RAPGEF6: variants seen among roughly 807,000 people sequenced by gnomAD.
The protein encoded by RAPGEF6 is Rap guanine nucleotide exchange factor 6, also known as PDZ domain containing guanine nucleotide exchange factor (GEF) 2.
In RAPGEF6, 56 loss-of-function variants were observed where a neutral mutation model predicts 171.4. That is an observed-to-expected ratio of 0.33 (90% confidence interval 0.26 to 0.41). The LOEUF (loss-of-function observed/expected upper bound fraction) is 0.41. RAPGEF6 is among the 10% of genes least tolerant of loss of function. RAPGEF6 has a pLI of 1.00. For missense variants in RAPGEF6, 1,674 were observed against 1,921.4 expected (o/e 0.87, Z 2.41); for synonymous variants, 692 against 650.1 (o/e 1.06, Z -0.98).
intron 1 of RAPGEF6, among the ~76,000 whole-genome samples, chr5:131,609,304 T>C (rs1764803814): frequency 6.6e-6 from 1 of 152,104 alleles, no homozygotes; most frequent in Non-Finnish European, 1.5e-5. Context: ...TGAAAATATA[T>C]GTAAATTCCA....
intron 4 of RAPGEF6, among the ~76,000 whole-genome samples, chr5:131,590,292 C>G (rs1474734560): frequency 6.6e-6 from 1 of 152,024 alleles, no homozygotes; most frequent in Non-Finnish European, 1.5e-5. Context: ...CCCAGCTATT[C>G]GGAAGGCTAA....
chr5:131,498,311 G>C, intron 12 of RAPGEF6, 132 bp downstream of exon 12: 1 of 798,090 alleles, frequency 1.3e-6, no homozygotes, highest in East Asian at 2.6e-5. Context: ...TTATACTGAT[G>C]GTTCAGGTTC....
intron 24 of RAPGEF6, 149 bp downstream of exon 24, chr5:131,439,432 A>G: frequency 7.4e-7 from 1 of 1,355,464 alleles, no homozygotes; most frequent in Non-Finnish European, 9.7e-7. Flanking sequence ...CATCTGAATA[A>G]TGCAATACAA....
In RAPGEF6 at chr5:131,461,896, T is replaced by G; in HGVS notation, c.2673A>C (p.Leu891Phe). 1 of 1,614,130 alleles carries G rather than the reference T, an allele frequency of 6.2e-7. No individual in the cohort carries two copies. The change falls in exon 19 of 28, where the codon TTA becomes TTC. Residue 891 changes from leucine (L) to phenylalanine (F), a missense_variant. Transcript: ENST00000509018. ...PTEYIDDLFKLNSKTGNTHLK... is the reference protein window; with the variant it reads ...PTEYIDDLFKFNSKTGNTHLK... ...AATGAGTATTTCCTGTTTTGGAATT[T>G]AACTTAAAAAGGTCATCGATGTACT... is the stretch of plus-strand genomic sequence containing the variant.
chr5:131,603,149 G>T (rs1764353326), intron 3 of RAPGEF6, 122 bp downstream of exon 3: 1 of 738,752 alleles, frequency 1.4e-6, no homozygotes, highest in Non-Finnish European at 2.3e-6. Flanking sequence ...ATACTTCATG[G>T]TCTATGAATA....
rs77454424 is a variant in RAPGEF6 at position 131,525,864 on chromosome 5, G to T, written c.496-4343C>A. 2.7e-4 allele frequency among the ~76,000 whole-genome samples: 41 copies of T among 152,178 alleles called. No individual in the cohort carries two copies. The East Asian group carries it at 7.3e-3, about 27-fold the overall frequency. On this transcript the variant is annotated intron_variant, in intron 6 of 27. Transcript: ENST00000509018. ...ACCAAAGCCAGAAGTCTCCCAAGTG[G>T]CTTCATAGTACTGACAATGTACTGA...
At chr5:131,497,272 A>G (rs115566825) in intron 12 of RAPGEF6, among the ~76,000 whole-genome samples, 3,067 of 152,144 alleles carry the variant, frequency 0.02, 105 homozygotes, top group African/African-American at 0.07. Context: ...TGGATATTAA[A>G]CCTTTATCAG....
intron 4 of RAPGEF6, among the ~76,000 whole-genome samples, chr5:131,591,368 T>C (rs568643065): frequency 6.6e-6 from 1 of 152,342 alleles, no homozygotes; most frequent in Non-Finnish European, 1.5e-5. Flanking sequence ...TTTTACCTAA[T>C]AGTTAAAATA....
intron 7 of RAPGEF6, among the ~76,000 whole-genome samples, chr5:131,514,421 A>AT (rs33966919): frequency 0.64 from 97,510 of 151,816 alleles, 32,920 homozygotes; most frequent in Non-Finnish European, 0.77. Flanking sequence ...TTAGGTAAGA[A>AT]TTTTTTTCAA....
At chr5:131,527,741 C>T (rs542401794) in intron 6 of RAPGEF6, among the ~76,000 whole-genome samples, 14 of 151,914 alleles carry the variant, frequency 9.2e-5, no homozygotes, top group Admixed American at 3.3e-4. Context: ...AGGGGCCAGG[C>T]GCGATGGCTC....
intron 1 of RAPGEF6, among the ~76,000 whole-genome samples, chr5:131,611,324 T>C (rs138880140): frequency 1.1e-4 from 16 of 152,362 alleles, no homozygotes; most frequent in African/African-American, 2.9e-4. Context: ...AAATTTTCTA[T>C]ACTTTTTGTT....
chr5:131,553,640 G>C (rs1194760828), intron 5 of RAPGEF6, among the ~76,000 whole-genome samples: 1 of 152,064 alleles, frequency 6.6e-6, no homozygotes, highest in African/African-American at 2.4e-5. Flanking sequence ...AGAAACAAAA[G>C]ACGTAGTAAT....
Position 131,424,408 on chromosome 5 carries a change from C to T in RAPGEF6, c.*2858G>A, listed in dbSNP as rs1045852501. The T allele has an allele frequency of 1.3e-5, 2 of 152,354 alleles. No individual in the cohort carries two copies. The highest frequency in any genetic ancestry group is 6.5e-5 in the Admixed American group (1 of 15,284). 9.4% of individuals were successfully genotyped at this position (152,354 alleles called of 1,614,324 possible). A position where few individuals can be genotyped will look rare whatever the true frequency, so the allele number is the denominator to read the frequency against. ...CCTTTAAGGTAATGCTGAAGGAATA[C>T]ATATACTTTAATATCACCTTTTTTA... On this transcript the variant is annotated 3_prime_UTR_variant, in exon 28 of 28. Transcript: ENST00000509018.
intron 16 of RAPGEF6, among the ~76,000 whole-genome samples, chr5:131,473,981 C>A (rs1754927194): frequency 6.6e-6 from 1 of 152,106 alleles, no homozygotes; most frequent in African/African-American, 2.4e-5. Context: ...TCAGACAGAC[C>A]TGAGCTACTA....
chr5:131,621,925 T>C (rs944747700), intron 1 of RAPGEF6, among the ~76,000 whole-genome samples: 1 of 152,214 alleles, frequency 6.6e-6, no homozygotes, highest in African/African-American at 2.4e-5. Flanking sequence ...CTGATATTTA[T>C]AATTATCACA....
At chr5:131,558,875 A>C (rs547024055) in intron 5 of RAPGEF6, among the ~76,000 whole-genome samples, 1 of 152,212 alleles carries the variant, frequency 6.6e-6, no homozygotes, top group Non-Finnish European at 1.5e-5. Flanking sequence ...AATTTAAAAA[A>C]CATTCCATGT....
intron 23 of RAPGEF6, among the ~76,000 whole-genome samples, chr5:131,440,437 C>T (rs1368213888): frequency 6.6e-6 from 1 of 152,034 alleles, no homozygotes; most frequent in African/African-American, 2.4e-5. Flanking sequence ...AGACACTGTT[C>T]TTAAAACATA....
intron 6 of RAPGEF6, among the ~76,000 whole-genome samples, chr5:131,546,901 T>G (rs769931707): frequency 6.6e-6 from 1 of 152,208 alleles, no homozygotes; most frequent in Non-Finnish European, 1.5e-5. Flanking sequence ...TATAACTGTG[T>G]AATAGGAACA....
chr5:131,592,357 C>T (rs1380683802), intron 4 of RAPGEF6, 26 bp downstream of exon 4: 1 of 1,608,776 alleles, frequency 6.2e-7, no homozygotes, highest in South Asian at 1.1e-5. Flanking sequence ...TTAACTTTGC[C>T]TGCCATATAG....
Sources: allele counts gnomAD v4.1 joint callset (sites outside exome capture counted in the v4.1 genomes callset), GRCh38; gene constraint gnomAD v4.1.1; transcripts MANE v1.5; gene names NCBI Gene and HGNC (gene_info 2026-07-23, HGNC 2026-07-21).